Variants in HEMK2 observed in about 807,000 individuals in gnomAD.
HEMK2 encodes the protein methyltransferase HEMK2.
chr21:28,668,588 C>T, the HEMK2 span, among the ~76,000 whole-genome samples: 254 of 152,298 alleles, frequency 1.7e-3, 4 homozygotes, highest in Non-Finnish European at 3.1e-4. Context: ...AAATAAATCA[C>T]ATGACCAGGT....
chr21:28,593,311 T>C, the HEMK2 span, among the ~76,000 whole-genome samples: 3 of 152,258 alleles, frequency 2.0e-5, no homozygotes, highest in Non-Finnish European at 4.4e-5. Context: ...TATCTCATTA[T>C]GTGCATGCAA....
the HEMK2 span, among the ~76,000 whole-genome samples, chr21:28,715,966 T>C: frequency 6.6e-6 from 1 of 152,232 alleles, no homozygotes; most frequent in Non-Finnish European, 1.5e-5. Context: ...GGAGGCTTTA[T>C]TTCTGGGTTA....
the HEMK2 span, among the ~76,000 whole-genome samples, chr21:28,635,838 T>C: frequency 6.6e-6 from 1 of 152,212 alleles, no homozygotes; most frequent in Non-Finnish European, 1.5e-5. Flanking sequence ...TGCTGCCCAG[T>C]ATGCTAGGCC....
chr21:28,644,960 G>A, the HEMK2 span, among the ~76,000 whole-genome samples: 3 of 152,134 alleles, frequency 2.0e-5, no homozygotes, highest in Non-Finnish European at 2.9e-5. Flanking sequence ...CCACAGATTC[G>A]AAGGTTTTTT....
the HEMK2 span, among the ~76,000 whole-genome samples, chr21:28,814,442 G>A: frequency 6.6e-6 from 1 of 151,460 alleles, no homozygotes. Context: ...AGAGTGAACA[G>A]GCAACCTACA....
the HEMK2 span, among the ~76,000 whole-genome samples, chr21:28,810,549 T>C: frequency 6.6e-6 from 1 of 152,164 alleles, no homozygotes; most frequent in Non-Finnish European, 1.5e-5. Flanking sequence ...CATTCACATA[T>C]GTGCCTCACA....
At chr21:28,603,218 C>CT in the HEMK2 span, among the ~76,000 whole-genome samples, 1,591 of 152,264 alleles carry the variant, frequency 0.01, 43 homozygotes, top group African/African-American at 0.037. Flanking sequence ...TTATAAATTT[C>CT]TCTTGGGAAA....
chr21:28,831,726 G>GAAAGAAAGAAA, the HEMK2 span, among the ~76,000 whole-genome samples: 22 of 38,842 alleles, frequency 5.7e-4, no homozygotes, highest in Admixed American at 8.8e-4. Context: ...AAGGAAGGAA[G>GAAAGAAAGAAA]GAAGGAAGGA....
the HEMK2 span, among the ~76,000 whole-genome samples, chr21:28,751,144 TGG>T: frequency 6.7e-6 from 1 of 148,806 alleles, no homozygotes; most frequent in African/African-American, 2.5e-5. Flanking sequence ...GGCAGGAGAA[TGG>T]TGTGAACCCG....
the HEMK2 span, among the ~76,000 whole-genome samples, chr21:28,758,255 G>A: frequency 6.6e-6 from 1 of 151,592 alleles, no homozygotes; most frequent in Non-Finnish European, 1.5e-5. Context: ...TGAATAGGAG[G>A]CCAAGAAAAC....
chr21:28,775,127 TAG>T, the HEMK2 span, among the ~76,000 whole-genome samples: 1 of 152,316 alleles, frequency 6.6e-6, no homozygotes, highest in East Asian at 1.9e-4. Flanking sequence ...AAAGTAACAT[TAG>T]AGATAATCTT....
At chr21:28,641,085 G>T in the HEMK2 span, among the ~76,000 whole-genome samples, 1 of 151,982 alleles carries the variant, frequency 6.6e-6, no homozygotes, top group Non-Finnish European at 1.5e-5. Context: ...CTTTTTTCAT[G>T]CTTTTTTCAT....
chr21:28,880,506 C>A, the HEMK2 span, among the ~76,000 whole-genome samples: 1 of 152,024 alleles, frequency 6.6e-6, no homozygotes, highest in Non-Finnish European at 1.5e-5. Context: ...CCGAGGCGGG[C>A]GGATCATCCG....
chr21:28,757,762 G>C, the HEMK2 span, among the ~76,000 whole-genome samples: 1 of 152,168 alleles, frequency 6.6e-6, no homozygotes, highest in African/African-American at 2.4e-5. Context: ...GATAAGCGTA[G>C]ACGTAAGGCC....
chr21:28,624,174 C>A, the HEMK2 span, among the ~76,000 whole-genome samples: 1 of 152,224 alleles, frequency 6.6e-6, no homozygotes, highest in South Asian at 2.1e-4. Context: ...AAAGAAACAA[C>A]AACAAAGTTC....
the HEMK2 span, among the ~76,000 whole-genome samples, chr21:28,642,185 T>C: frequency 6.6e-6 from 1 of 152,172 alleles, no homozygotes; most frequent in African/African-American, 2.4e-5. Flanking sequence ...AAATTTCACA[T>C]TAAGAGTTTA....
At chr21:28,706,553 C>A in the HEMK2 span, among the ~76,000 whole-genome samples, 3 of 152,110 alleles carry the variant, frequency 2.0e-5, no homozygotes, top group African/African-American at 7.2e-5. Flanking sequence ...CTTCAGTTTT[C>A]TCTACCTGAA....
chr21:28,859,764 A>C, the HEMK2 span, among the ~76,000 whole-genome samples: 1 of 152,120 alleles, frequency 6.6e-6, no homozygotes, highest in African/African-American at 2.4e-5. Flanking sequence ...CCCAGACCTG[A>C]GTGTGGAAAC....
chr21:28,606,631 G>A, the HEMK2 span, among the ~76,000 whole-genome samples: 1 of 152,110 alleles, frequency 6.6e-6, no homozygotes, highest in East Asian at 1.9e-4. Flanking sequence ...CTCATGGTCT[G>A]TATTCAGTAA....
Sources: gnomAD v4.1 joint callset for allele counts (sites outside exome capture counted in the v4.1 genomes callset) on GRCh38, gnomAD v4.1.1 for gene constraint, MANE v1.5 for transcripts, NCBI Gene and HGNC (gene_info 2026-07-23, HGNC 2026-07-21) for gene names.